Variants in RAPGEF6 observed in about 807,000 individuals in gnomAD.
RAPGEF6 encodes PDZ domain containing guanine nucleotide exchange factor (GEF) 2.
RAPGEF6 carries 56 observed loss-of-function variants against 171.4 expected under a neutral mutation model. The observed-to-expected ratio is 0.33, with a 90% CI of 0.26 to 0.41. The LOEUF is 0.41. Ranked by LOEUF, RAPGEF6 falls within the 10% of genes least tolerant of loss-of-function variation. RAPGEF6 has a pLI of 1.00. For missense variants in RAPGEF6, 1,674 were observed against 1,921.4 expected, an observed-to-expected ratio of 0.87 and a Z score of 2.41; for synonymous variants, 692 against 650.1, an observed-to-expected ratio of 1.06 and a Z score of -0.98.
intron 22 of RAPGEF6, among the ~76,000 whole-genome samples, chr5:131,443,790 G>A (rs369727790): frequency 6.6e-6 from 1 of 152,200 alleles, no homozygotes; most frequent in South Asian, 2.1e-4. Flanking sequence ...CATTTTGTTC[G>A]TTATTACATC....
At chr5:131,547,317 A>C (rs1350965917) in intron 6 of RAPGEF6, among the ~76,000 whole-genome samples, 1 of 151,838 alleles carries the variant, frequency 6.6e-6, no homozygotes, top group Non-Finnish European at 1.5e-5. Flanking sequence ...AAATGCAAAC[A>C]AGAGGAAATG....
chr5:131,516,312 G>A (rs1758081823), intron 7 of RAPGEF6, among the ~76,000 whole-genome samples: 1 of 151,954 alleles, frequency 6.6e-6, no homozygotes, highest in African/African-American at 2.4e-5. Flanking sequence ...TCAAACTCCT[G>A]ACCTCAAGTG....
chr5:131,472,552 C>G (rs368275693), intron 17 of RAPGEF6, 35 bp downstream of exon 17: 1 of 1,592,808 alleles, frequency 6.3e-7, no homozygotes, highest in South Asian at 1.1e-5. Context: ...CATTTGGTAC[C>G]AATACGGCAA....
chr5:131,452,932 C>G, intron 21 of RAPGEF6, 122 bp downstream of exon 21: 2 of 1,255,072 alleles, frequency 1.6e-6, no homozygotes, highest in Non-Finnish European at 2.1e-6. Context: ...GAAACGGACA[C>G]ATATAAAGCA....
At chr5:131,480,764 C>T (rs1755417375) in intron 15 of RAPGEF6, among the ~76,000 whole-genome samples, 1 of 151,920 alleles carries the variant, frequency 6.6e-6, no homozygotes. Flanking sequence ...CAGGCATGAG[C>T]CACCATGCCC....
intron 7 of RAPGEF6, among the ~76,000 whole-genome samples, chr5:131,510,881 A>C (rs181861112): frequency 6.6e-6 from 1 of 152,348 alleles, no homozygotes; most frequent in African/African-American, 2.4e-5. Context: ...CTATTAGTCT[A>C]TGCTGGGTAT....
chr5:131,479,890 A>G (rs1158233014), intron 15 of RAPGEF6, 137 bp from the exon 16 acceptor site: 2 of 841,480 alleles, frequency 2.4e-6, no homozygotes, highest in Admixed American at 2.8e-5. Flanking sequence ...AACACTGTCA[A>G]GTATTTACCC....
At chr5:131,626,740 T>C (rs972389902) in intron 1 of RAPGEF6, among the ~76,000 whole-genome samples, 1 of 152,156 alleles carries the variant, frequency 6.6e-6, no homozygotes, top group Non-Finnish European at 1.5e-5. Flanking sequence ...ATATCAGATA[T>C]ATTATTTCTT....
At chr5:131,539,285 A>T (rs1438341397) in intron 6 of RAPGEF6, among the ~76,000 whole-genome samples, 2 of 152,248 alleles carry the variant, frequency 1.3e-5, no homozygotes. Flanking sequence ...ATCAGGATTT[A>T]TCAAGCCCAC....
intron 12 of RAPGEF6, among the ~76,000 whole-genome samples, chr5:131,497,273 C>T (rs1360092398): frequency 1.3e-5 from 2 of 152,150 alleles, no homozygotes; most frequent in African/African-American, 4.8e-5. Flanking sequence ...GGATATTAAA[C>T]CTTTATCAGA....
intron 9 of RAPGEF6, among the ~76,000 whole-genome samples, chr5:131,506,129 C>T (rs1370041290): frequency 6.6e-6 from 1 of 152,080 alleles, no homozygotes; most frequent in Non-Finnish European, 1.5e-5. Flanking sequence ...ATATTTAATG[C>T]TCTAAGAAGT....
intron 1 of RAPGEF6, among the ~76,000 whole-genome samples, chr5:131,621,063 A>G (rs937081704): frequency 5.3e-5 from 8 of 152,312 alleles, no homozygotes; most frequent in South Asian, 2.1e-4. Context: ...GGCAACTTGC[A>G]TGTACATACC....
At chr5:131,538,235 G>A (rs1335091869) in intron 6 of RAPGEF6, among the ~76,000 whole-genome samples, 1 of 152,134 alleles carries the variant, frequency 6.6e-6, no homozygotes, top group Non-Finnish European at 1.5e-5. Context: ...GTCATGCATT[G>A]CTTAACAACT....
intron 6 of RAPGEF6, among the ~76,000 whole-genome samples, chr5:131,522,850 T>TA (rs1490813953): frequency 6.6e-6 from 1 of 152,140 alleles, no homozygotes; most frequent in Non-Finnish European, 1.5e-5. Context: ...GAGAGTAAAT[T>TA]AGACTCTAGA....
rs755507649 is a variant in RAPGEF6, at chr5:131,579,796, T to C, written c.281+12587A>G. Among the ~76,000 whole-genome samples, 15 of 152,286 alleles carry C rather than the reference T, an allele frequency of 9.8e-5. No individual in the cohort carries two copies. The East Asian group carries it at 2.1e-3, about 22-fold the overall frequency. ...GCTGAATGGTGCATTTACAATCCTTTAGCTAGACATAAAAGTTCTCCACGT... is the reference window on the plus strand; with the variant it reads ...GCTGAATGGTGCATTTACAATCCTTCAGCTAGACATAAAAGTTCTCCACGT... On this transcript the variant is annotated intron_variant, in intron 4 of 27. Coordinates refer to ENST00000509018, the MANE Select transcript of RAPGEF6 (RefSeq NM_016340.6).
intron 3 of RAPGEF6, among the ~76,000 whole-genome samples, chr5:131,595,676 A>G (rs948059313): frequency 8.6e-5 from 13 of 152,042 alleles, no homozygotes; most frequent in Admixed American, 8.5e-4. Context: ...AAAAATCTAT[A>G]AAACAACCAG....
At chr5:131,499,581 CAAAAAAAAA>C (rs375534138) in intron 11 of RAPGEF6, among the ~76,000 whole-genome samples, 30 of 87,548 alleles carry the variant, frequency 3.4e-4, no homozygotes, top group Non-Finnish European at 5.0e-4. Context: ...GACTTTGTCT[CAAAAAAAAA>C]AAAAAAAAAA....
At chr5:131,523,579 T>C (rs1758655707) in intron 6 of RAPGEF6, among the ~76,000 whole-genome samples, 1 of 151,662 alleles carries the variant, frequency 6.6e-6, no homozygotes, top group Non-Finnish European at 1.5e-5. Context: ...GTCTGAAAAA[T>C]ATCCAGAATG....
intron 17 of RAPGEF6, among the ~76,000 whole-genome samples, chr5:131,465,264 G>A (rs994196058): frequency 1.3e-5 from 2 of 151,946 alleles, no homozygotes; most frequent in Non-Finnish European, 2.9e-5. Flanking sequence ...ATTCTAATTT[G>A]AGACAATGTT....
Sources: gnomAD v4.1 joint callset for allele counts (sites outside exome capture counted in the v4.1 genomes callset) on GRCh38, gnomAD v4.1.1 for gene constraint, MANE v1.5 for transcripts, NCBI Gene and HGNC (gene_info 2026-07-23, HGNC 2026-07-21) for gene names.